JPT1: variants seen among roughly 807,000 people sequenced by gnomAD.
JPT1 encodes Jupiter microtubule associated homolog 1, also known as androgen-regulated protein 2.
JPT1 carries 5 observed loss-of-function variants against 17.0 expected under a neutral mutation model. The ratio of observed to expected loss-of-function variants is 0.29; its 90% CI spans 0.15 to 0.62. The LOEUF (loss-of-function observed/expected upper bound fraction) is 0.62, where lower values mean the gene tolerates loss of function less well. Among genes scored for constraint, JPT1 ranks in the 20% least tolerant of loss-of-function variants. The pLI, the probability that JPT1 is intolerant of heterozygous loss-of-function variation, is 0.85. For synonymous variants in JPT1, 71 were observed against 73.6 expected (o/e 0.96, Z 0.18); for missense variants, 158 against 188.1 (o/e 0.84, Z 0.94).
intron 1 of JPT1, among the ~76,000 whole-genome samples, chr17:75,152,704 T>C (rs1211002343): frequency 6.6e-6 from 1 of 152,170 alleles, no homozygotes; most frequent in Non-Finnish European, 1.5e-5. Context: ...TTACACATTA[T>C]CATTCCGACG....
chr17:75,145,490 ATTCGTAATATGGTTGG>A (rs1467468925), intron 4 of JPT1: 1 of 152,188 alleles, frequency 6.6e-6, no homozygotes, highest in Non-Finnish European at 1.5e-5. Context: ...TCCACCTATA[ATTCGTAATATGGTTGG>A]TTAGCTGAAA....
chr17:75,145,977 C>T (rs2145182443), intron 4 of JPT1: 1 of 152,160 alleles, frequency 6.6e-6, no homozygotes, highest in East Asian at 1.9e-4. Flanking sequence ...ACTAGGGAGG[C>T]TGAGGTGGGA....
intron 4 of JPT1, chr17:75,145,341 G>A (rs943222302): frequency 3.9e-5 from 6 of 152,188 alleles, no homozygotes; most frequent in African/African-American, 1.4e-4. Flanking sequence ...AGGGCCTTGT[G>A]ACTGCTGCAC....
At chr17:75,151,267 C>T (rs2074547771) in intron 1 of JPT1, among the ~76,000 whole-genome samples, 1 of 151,906 alleles carries the variant, frequency 6.6e-6, no homozygotes, top group Non-Finnish European at 1.5e-5. Flanking sequence ...CTGTAGGAGG[C>T]GGAGCCTACA....
At chr17:75,139,176 A>G (rs2074263258) in intron 4 of JPT1, among the ~76,000 whole-genome samples, 1 of 152,242 alleles carries the variant, frequency 6.6e-6, no homozygotes, top group African/African-American at 2.4e-5. Flanking sequence ...CAAGATAAAG[A>G]GAATTCGGAC....
intron 4 of JPT1, chr17:75,142,756 G>C (rs1340225104): frequency 2.2e-6 from 1 of 456,148 alleles, no homozygotes; most frequent in Admixed American, 2.4e-5. Context: ...AAAAAACCTA[G>C]ATTTTACCTC....
chr17:75,147,492 T>G (rs1253597487), intron 3 of JPT1, 64 bp downstream of exon 3: 3 of 1,130,306 alleles, frequency 2.7e-6, no homozygotes, highest in African/African-American at 1.5e-5. Flanking sequence ...ACTGAAACTC[T>G]TAGTACAAAT....
chr17:75,139,893 A>G (rs1458542180), intron 4 of JPT1, among the ~76,000 whole-genome samples: 1 of 152,118 alleles, frequency 6.6e-6, no homozygotes, highest in East Asian at 1.9e-4. Flanking sequence ...TCCAGCCCAT[A>G]ATGAGATAAG....
At chr17:75,137,259 A>C (rs2074215765) in intron 4 of JPT1, among the ~76,000 whole-genome samples, 1 of 152,184 alleles carries the variant, frequency 6.6e-6, no homozygotes, top group Admixed American at 6.6e-5. Flanking sequence ...TGAATGCAAA[A>C]ATTCTATATT....
chr17:75,147,993 G>T, intron 2 of JPT1: 1 of 256,824 alleles, frequency 3.9e-6, no homozygotes, highest in Non-Finnish European at 7.5e-6. Context: ...GCAACAGAAT[G>T]AGACTCTTAT....
chr17:75,146,456 A>G, intron 4 of JPT1: 1 of 485,652 alleles, frequency 2.1e-6, no homozygotes. Context: ...CCCAGCCAAT[A>G]TATGTAATTT....
intron 1 of JPT1, among the ~76,000 whole-genome samples, chr17:75,149,649 G>C (rs1165056769): frequency 6.6e-6 from 1 of 151,876 alleles, no homozygotes; most frequent in East Asian, 1.9e-4. Context: ...TTACAGGCAT[G>C]AGCCACCACG....
At position 75,154,474 on chromosome 17, in the gene JPT1, C is replaced by A. The variant is rs2074604979; in HGVS notation, c.-77G>T. On this transcript the variant is annotated 5_prime_UTR_variant, in exon 1 of 5. Coordinates refer to ENST00000409753, the MANE Select transcript of JPT1 (RefSeq NM_016185.4). Reference sequence around the variant, plus strand: ...GGACCCGAGGGGCGCTGGGAAACTCCACACCCAACAGCCGACCACCGCTGC... The same window carrying A: ...GGACCCGAGGGGCGCTGGGAAACTCAACACCCAACAGCCGACCACCGCTGC... 2 of 1,368,070 alleles carry A rather than the reference C, an allele frequency of 1.5e-6. No homozygotes were observed. The highest frequency in any genetic ancestry group is 2.0e-6 in the Non-Finnish European group (2 of 1,001,608). 84.7% of individuals were successfully genotyped at this position (1,368,070 alleles called of 1,614,324 possible).
chr17:75,143,673 T>C (rs1277330592), intron 4 of JPT1, among the ~76,000 whole-genome samples: 2 of 150,050 alleles, frequency 1.3e-5, no homozygotes, highest in East Asian at 4.0e-4. Flanking sequence ...CTGTCTCCAC[T>C]AAAAATTAAA....
intron 4 of JPT1, among the ~76,000 whole-genome samples, chr17:75,143,628 G>C (rs2074368731): frequency 6.6e-6 from 1 of 151,944 alleles, no homozygotes; most frequent in Non-Finnish European, 1.5e-5. Flanking sequence ...CTGAGGTCAG[G>C]AGATCAAGAC....
At chr17:75,143,241 T>C (rs1354403257) in intron 4 of JPT1, among the ~76,000 whole-genome samples, 1 of 152,194 alleles carries the variant, frequency 6.6e-6, no homozygotes. Flanking sequence ...TTGTCAATCA[T>C]GCTTATGTAA....
chr17:75,149,753 A>G (rs2074509964), intron 1 of JPT1, among the ~76,000 whole-genome samples: 1 of 152,054 alleles, frequency 6.6e-6, no homozygotes, highest in African/African-American at 2.4e-5. Context: ...GCAGGCCCCT[A>G]TAGTCCCAGC....
At chr17:75,139,169 G>C (rs543182468) in intron 4 of JPT1, among the ~76,000 whole-genome samples, 3 of 152,286 alleles carry the variant, frequency 2.0e-5, no homozygotes, top group African/African-American at 7.2e-5. Flanking sequence ...AAATATTCAA[G>C]ATAAAGAGAA....
At chr17:75,142,893 C>T in intron 4 of JPT1, 2 of 405,434 alleles carry the variant, frequency 4.9e-6, no homozygotes, top group Non-Finnish European at 9.9e-6. Flanking sequence ...AATACACACA[C>T]ACACACACAA....
Sources: allele counts gnomAD v4.1 joint callset (sites outside exome capture counted in the v4.1 genomes callset), GRCh38; gene constraint gnomAD v4.1.1; transcripts MANE v1.5; gene names NCBI Gene and HGNC (gene_info 2026-07-23, HGNC 2026-07-21).